AGBL1: variants seen among roughly 807,000 people sequenced by gnomAD.
AGBL1 encodes AGBL carboxypeptidase 1.
A neutral mutation model predicts 118.9 loss-of-function variants in AGBL1; 130 were observed. The ratio of observed to expected loss-of-function variants is 1.09; its 90% CI spans 0.95 to 1.26. AGBL1 has a LOEUF of 1.26. Among genes scored for constraint, AGBL1 ranks in the 50% most tolerant of loss-of-function variants. The pLI is 0.00. For synonymous variants in AGBL1, 555 were observed against 478.9 expected, an observed-to-expected ratio of 1.16 and a Z score of -2.08; for missense variants, 1,584 against 1,298.1, an observed-to-expected ratio of 1.22 and a Z score of -3.38.
chr15:86,472,884 A>C (rs1213742132), intron 18 of AGBL1, among the ~76,000 whole-genome samples: 1 of 152,208 alleles, frequency 6.6e-6, no homozygotes, highest in East Asian at 1.9e-4. Context: ...GCACCACTGC[A>C]CTCTAGTCTG....
chr15:86,732,156 C>A (rs1260215590), intron 22 of AGBL1, among the ~76,000 whole-genome samples: 2 of 152,218 alleles, frequency 1.3e-5, no homozygotes, highest in African/African-American at 4.8e-5. Flanking sequence ...ATTTTGAATG[C>A]AGGCAGTAGG....
intron 21 of AGBL1, among the ~76,000 whole-genome samples, chr15:86,595,611 G>A (rs1348451204): frequency 1.3e-5 from 2 of 152,096 alleles, no homozygotes; most frequent in African/African-American, 2.4e-5. Context: ...TTCTGAGTCT[G>A]AGGGACCATC....
chr15:86,171,579 T>G (rs946061229), intron 5 of AGBL1, among the ~76,000 whole-genome samples: 1 of 152,160 alleles, frequency 6.6e-6, no homozygotes, highest in Admixed American at 6.5e-5. Flanking sequence ...AAAAAGGTAG[T>G]TGAAGGACAG....
At chr15:86,232,317 C>T (rs1425941565) in intron 6 of AGBL1, among the ~76,000 whole-genome samples, 1 of 152,214 alleles carries the variant, frequency 6.6e-6, no homozygotes, top group Non-Finnish European at 1.5e-5. Context: ...GACAGTAAAG[C>T]ATATCGTTCC....
chr15:86,649,281 T>C (rs1242664154), intron 21 of AGBL1, among the ~76,000 whole-genome samples: 4 of 152,170 alleles, frequency 2.6e-5, no homozygotes, highest in Non-Finnish European at 5.9e-5. Context: ...AAGATCTCCT[T>C]TGATAGCTTC....
rs28557460 is a variant in AGBL1, at chr15:86,768,187, T to G, written c.3158+93751T>G. Among the ~76,000 whole-genome samples the G allele has an allele frequency of 2.3e-3, 348 of 152,082 alleles. 1 individual carries two copies. The highest frequency in any genetic ancestry group is 8.0e-3 in the African/African-American group (332 of 41,530). ...GACCCTGCTGATTTGCTCGCAAATT[T>G]TATTCAGTCTAACTTTACACCTTTG... On this transcript the variant is annotated intron_variant, in intron 22 of 22. Coordinates refer to ENST00000614907, the MANE Select transcript of AGBL1 (RefSeq NM_001386094.1).
intron 16 of AGBL1, among the ~76,000 whole-genome samples, chr15:86,282,801 G>T (rs569749973): frequency 2.0e-5 from 3 of 152,278 alleles, no homozygotes; most frequent in African/African-American, 7.2e-5. Context: ...GTTACTTGGG[G>T]GTTATGCTGA....
intron 18 of AGBL1, among the ~76,000 whole-genome samples, chr15:86,462,095 A>G (rs1205160154): frequency 1.3e-5 from 2 of 152,218 alleles, no homozygotes; most frequent in African/African-American, 2.4e-5. Context: ...GCCTGTATCA[A>G]TTTCAAAAGG....
At position 86,912,506 on chromosome 15, in the gene AGBL1, A is replaced by C. The variant is rs548930025; in HGVS notation, c.*5212A>C. The C allele has an allele frequency of 2.0e-5, 3 of 152,108 alleles. No homozygotes were observed. Among genetic ancestry groups the C allele is most frequent in the African/African-American group, 7.3e-5 (3 of 41,352 alleles). The allele number at this position is 152,108 out of a possible 1,614,324, so 9.4% of individuals were successfully genotyped here. A position where few individuals can be genotyped will look rare whatever the true frequency, so the allele number is the denominator to read the frequency against. ...TCCAAGAATTCCATACATTGGCTTC[A>C]GTTTCCTTCCAGAAAGAGGATTCAG... On this transcript the variant is annotated 3_prime_UTR_variant, in exon 23 of 23. Transcript: ENST00000614907.
At chr15:86,295,164 T>G in intron 16 of AGBL1, 91 bp from the exon 17 acceptor site, 2 of 1,441,924 alleles carry the variant, frequency 1.4e-6, no homozygotes, top group Non-Finnish European at 1.9e-6. Flanking sequence ...ACAACAATAC[T>G]TCTAAACTAT....
intron 7 of AGBL1, among the ~76,000 whole-genome samples, chr15:86,252,131 A>T (rs2078826708): frequency 6.6e-6 from 1 of 152,208 alleles, no homozygotes; most frequent in Admixed American, 6.5e-5. Context: ...TTCTCAGGTG[A>T]TACTGATGCT....
chr15:86,864,274 C>A (rs2079596325), intron 22 of AGBL1, among the ~76,000 whole-genome samples: 1 of 152,158 alleles, frequency 6.6e-6, no homozygotes, highest in African/African-American at 2.4e-5. Flanking sequence ...TTAAACAGCA[C>A]TCTGATTTCT....
At chr15:86,691,264 G>C (rs2086164912) in intron 22 of AGBL1, among the ~76,000 whole-genome samples, 1 of 152,136 alleles carries the variant, frequency 6.6e-6, no homozygotes, top group South Asian at 2.1e-4. Context: ...ATATTCTTTT[G>C]TCTCTTAGCA....
intron 16 of AGBL1, among the ~76,000 whole-genome samples, chr15:86,293,069 T>C (rs934507761): frequency 6.6e-6 from 1 of 152,210 alleles, no homozygotes; most frequent in African/African-American, 2.4e-5. Context: ...TTGGCACTTT[T>C]TCTTTTTCCT....
At chr15:86,797,903 T>C (rs532112869) in intron 22 of AGBL1, among the ~76,000 whole-genome samples, 2 of 152,204 alleles carry the variant, frequency 1.3e-5, no homozygotes, top group Non-Finnish European at 2.9e-5. Context: ...TTTTGTCAAA[T>C]GGTATTCTGC....
Position 86,633,803 on chromosome 15 carries a change from ATATATATAATGTATG to A in AGBL1, c.2995-40461_2995-40447del, listed in dbSNP as rs1317511763. ...GTGTGTGTATATATATATAATGTAT[ATATATATAATGTATG>A]TATATATATATAATGTATATATATA... On this transcript the variant is annotated intron_variant, in intron 21 of 22. Transcript: ENST00000614907. Among the ~76,000 whole-genome samples the A allele has an allele frequency of 0.015, 84 of 5,788 alleles. No individual in the cohort carries two copies. In the East Asian group the frequency reaches 0.15, roughly 11 times the overall value. The allele number at this position is 5,788 out of a possible 152,430, so 3.8% of individuals were successfully genotyped here. A position where few individuals can be genotyped will look rare whatever the true frequency, so the allele number is the denominator to read the frequency against.
intron 1 of AGBL1, among the ~76,000 whole-genome samples, chr15:86,104,274 C>T (rs1232618994): frequency 4.6e-5 from 7 of 152,102 alleles, no homozygotes; most frequent in Non-Finnish European, 8.8e-5. Context: ...ATGGGGTGAT[C>T]CCTAGGGTCC....
chr15:86,272,556 G>C (rs184751525), intron 15 of AGBL1, among the ~76,000 whole-genome samples: 1 of 152,242 alleles, frequency 6.6e-6, no homozygotes, highest in Admixed American at 6.5e-5. Flanking sequence ...CTAGAGTTTG[G>C]GATAGTTGTC....
intron 5 of AGBL1, among the ~76,000 whole-genome samples, chr15:86,192,783 T>A (rs2077743578): frequency 6.6e-6 from 1 of 152,190 alleles, no homozygotes; most frequent in African/African-American, 2.4e-5. Flanking sequence ...CAGGAAAAAA[T>A]TTGGAATTCA....
Sources: allele counts gnomAD v4.1 joint callset (sites outside exome capture counted in the v4.1 genomes callset), GRCh38; gene constraint gnomAD v4.1.1; transcripts MANE v1.5; gene names NCBI Gene and HGNC (gene_info 2026-07-23, HGNC 2026-07-21).